Variants in ST6GALNAC3 observed in about 807,000 individuals in gnomAD.
ST6GALNAC3 encodes alpha-N-acetylgalactosaminide alpha-2,6-sialyltransferase 3.
A neutral mutation model predicts 32.7 loss-of-function variants in ST6GALNAC3; 25 were observed. The ratio of observed to expected loss-of-function variants is 0.76; its 90% CI spans 0.56 to 1.07. ST6GALNAC3 has a LOEUF of 1.07. Among genes scored for constraint, ST6GALNAC3 ranks in the 50% least tolerant of loss-of-function variants. The pLI, the probability that ST6GALNAC3 is intolerant of heterozygous loss-of-function variation, is 0.00. For synonymous variants in ST6GALNAC3, 129 were observed against 133.1 expected (o/e 0.97, Z 0.21); for missense variants, 355 against 382.4 (o/e 0.93, Z 0.60).
chr1:76,490,806 G>A (rs1660448433), intron 3 of ST6GALNAC3, among the ~76,000 whole-genome samples: 1 of 151,784 alleles, frequency 6.6e-6, no homozygotes, highest in African/African-American at 2.4e-5. Flanking sequence ...TTCCCAGTGG[G>A]CCTGCAGTCT....
intron 1 of ST6GALNAC3, among the ~76,000 whole-genome samples, chr1:76,103,466 C>CT (rs1410366447): frequency 2.0e-5 from 3 of 151,910 alleles, no homozygotes; most frequent in Non-Finnish European, 2.9e-5. Context: ...TCTGTTCTTC[C>CT]TTTATTAAGT....
At chr1:76,437,939 A>G (rs981714022) in intron 3 of ST6GALNAC3, among the ~76,000 whole-genome samples, 8 of 151,782 alleles carry the variant, frequency 5.3e-5, no homozygotes, top group African/African-American at 1.9e-4. Context: ...ACTTTTTTCA[A>G]TTTTGCATTT....
chr1:76,191,388 A>G (rs988185386), intron 1 of ST6GALNAC3, among the ~76,000 whole-genome samples: 10 of 152,064 alleles, frequency 6.6e-5, no homozygotes, highest in African/African-American at 2.4e-4. Context: ...GGAGGCGAGG[A>G]GGATGGGGAG....
chr1:76,542,098 C>T (rs1664026588), intron 3 of ST6GALNAC3, among the ~76,000 whole-genome samples: 1 of 152,098 alleles, frequency 6.6e-6, no homozygotes, highest in East Asian at 1.9e-4. Flanking sequence ...AAACAATCTC[C>T]AAATGAATAG....
At chr1:76,436,982 G>T (rs1369630949) in intron 3 of ST6GALNAC3, among the ~76,000 whole-genome samples, 2 of 152,074 alleles carry the variant, frequency 1.3e-5, no homozygotes, top group African/African-American at 4.8e-5. Context: ...CTGGAAAGTG[G>T]ACTGTTACTC....
At chr1:76,596,128 G>A (rs1431494162) in intron 3 of ST6GALNAC3, among the ~76,000 whole-genome samples, 1 of 152,146 alleles carries the variant, frequency 6.6e-6, no homozygotes, top group Non-Finnish European at 1.5e-5. Flanking sequence ...CATATGAAAT[G>A]TGGACCTTGT....
chr1:76,311,797 G>A (rs1570780016), intron 1 of ST6GALNAC3, among the ~76,000 whole-genome samples: 2 of 152,272 alleles, frequency 1.3e-5, no homozygotes, highest in East Asian at 3.9e-4. Flanking sequence ...TATATACCCA[G>A]TAACGGGATT....
intron 1 of ST6GALNAC3, among the ~76,000 whole-genome samples, chr1:76,196,956 A>T (rs1456886645): frequency 6.6e-6 from 1 of 152,106 alleles, no homozygotes; most frequent in Non-Finnish European, 1.5e-5. Context: ...TTTTATTTTT[A>T]TCTGAACAAT....
chr1:76,528,559 A>G (rs1433112187), intron 3 of ST6GALNAC3, among the ~76,000 whole-genome samples: 2 of 152,090 alleles, frequency 1.3e-5, no homozygotes, highest in Non-Finnish European at 2.9e-5. Context: ...CTTGTTGGAT[A>G]TGATTTTTGT....
At chr1:76,404,920 T>C (rs573058674) in intron 2 of ST6GALNAC3, among the ~76,000 whole-genome samples, 1 of 152,214 alleles carries the variant, frequency 6.6e-6, no homozygotes, top group South Asian at 2.1e-4. Flanking sequence ...TTTATGCTGG[T>C]TCAATTGAAA....
intron 3 of ST6GALNAC3, among the ~76,000 whole-genome samples, chr1:76,478,339 C>T (rs982000988): frequency 6.6e-6 from 1 of 152,198 alleles, no homozygotes; most frequent in African/African-American, 2.4e-5. Context: ...AGAAGTTACT[C>T]TACTGTATGG....
At chr1:76,195,471 C>T (rs190501260) in intron 1 of ST6GALNAC3, among the ~76,000 whole-genome samples, 1 of 152,150 alleles carries the variant, frequency 6.6e-6, no homozygotes, top group Non-Finnish European at 1.5e-5. Context: ...ATTCTTACTT[C>T]TCCTTCAAGG....
chr1:76,487,159 T>C (rs942215534), intron 3 of ST6GALNAC3, among the ~76,000 whole-genome samples: 7 of 152,202 alleles, frequency 4.6e-5, no homozygotes, highest in Non-Finnish European at 1.5e-5. Context: ...GCCCTTAACA[T>C]TTTTTCCTTC....
intron 2 of ST6GALNAC3, among the ~76,000 whole-genome samples, chr1:76,370,505 G>A (rs1321837132): frequency 6.6e-6 from 1 of 152,048 alleles, no homozygotes; most frequent in East Asian, 1.9e-4. Context: ...CTAACCTAAA[G>A]AAATGGTTTC....
intron 1 of ST6GALNAC3, among the ~76,000 whole-genome samples, chr1:76,100,668 T>C (rs763642535): frequency 2.6e-5 from 4 of 152,188 alleles, no homozygotes; most frequent in Non-Finnish European, 4.4e-5. Flanking sequence ...ATGTCAGGTT[T>C]TGGTTATCGA....
chr1:76,403,728 C>T (rs933805699), intron 2 of ST6GALNAC3, among the ~76,000 whole-genome samples: 1 of 151,982 alleles, frequency 6.6e-6, no homozygotes, highest in African/African-American at 2.4e-5. Flanking sequence ...GTTTTCTTAC[C>T]TTCTTTTTGT....
At chr1:76,130,545 C>G (rs1013285224) in intron 1 of ST6GALNAC3, among the ~76,000 whole-genome samples, 2 of 152,220 alleles carry the variant, frequency 1.3e-5, no homozygotes, top group African/African-American at 4.8e-5. Flanking sequence ...AGGGTGGCCA[C>G]CTGCTCATGT....
chr1:76,112,770 T>C (rs1204567662), intron 1 of ST6GALNAC3, among the ~76,000 whole-genome samples: 3 of 148,826 alleles, frequency 2.0e-5, no homozygotes, highest in Non-Finnish European at 4.5e-5. Flanking sequence ...TCCCCACATC[T>C]CAGACGATGG....
At chr1:76,582,635 T>G (rs926690587) in intron 3 of ST6GALNAC3, among the ~76,000 whole-genome samples, 1 of 152,206 alleles carries the variant, frequency 6.6e-6, no homozygotes, top group African/African-American at 2.4e-5. Flanking sequence ...GAGTTCATTA[T>G]CACAGAATGT....
Sources: allele counts gnomAD v4.1 joint callset (sites outside exome capture counted in the v4.1 genomes callset), GRCh38; gene constraint gnomAD v4.1.1; transcripts MANE v1.5; gene names NCBI Gene and HGNC (gene_info 2026-07-23, HGNC 2026-07-21).